Variants in PRH1 observed in about 807,000 individuals in gnomAD.
PRH1 encodes the protein salivary acidic proline-rich phosphoprotein 1/2.
A neutral mutation model predicts 7.9 loss-of-function variants in PRH1; 7 were observed. The observed-to-expected ratio is 0.89, with a 90% confidence interval of 0.50 to 1.67. The LOEUF is 1.67. PRH1 is among the 40% of genes most tolerant of loss of function. PRH1 has a pLI of 0.00. For synonymous variants in PRH1, 45 were observed against 80.8 expected (o/e 0.56, Z 2.38); for missense variants, 109 against 223.6 (o/e 0.49, Z 3.27).
At chr12:10,894,372 A>G (rs908372579) in intron 2 of PRH1, among the ~76,000 whole-genome samples, 4 of 152,186 alleles carry the variant, frequency 2.6e-5, no homozygotes, top group African/African-American at 9.6e-5. Flanking sequence ...ATATTAACAG[A>G]ATAGGGCTTA....
intron 1 of PRH1, among the ~76,000 whole-genome samples, chr12:11,017,996 T>A (rs1323967155): frequency 1.3e-5 from 2 of 152,178 alleles, no homozygotes; most frequent in Non-Finnish European, 1.5e-5. Flanking sequence ...GGTTACAGAA[T>A]GAATGCAAAG....
chr12:10,994,536 T>C (rs1222750940), intron 1 of PRH1, among the ~76,000 whole-genome samples: 1 of 152,144 alleles, frequency 6.6e-6, no homozygotes, highest in African/African-American at 2.4e-5. Context: ...TTACAGCACA[T>C]AGTGTCACAT....
At chr12:10,938,510 A>G in intron 2 of PRH1, 1 of 1,614,004 alleles carries the variant, frequency 6.2e-7, no homozygotes, top group Non-Finnish European at 8.5e-7. Flanking sequence ...GAAAGTGATC[A>G]CACTTTTAAC....
At chr12:11,129,486 T>C (rs1169979870) in intron 1 of PRH1, among the ~76,000 whole-genome samples, 2 of 152,410 alleles carry the variant, frequency 1.3e-5, no homozygotes, top group East Asian at 1.9e-4. Context: ...CTGGTCACTG[T>C]CATGACAAAA....
intron 1 of PRH1, among the ~76,000 whole-genome samples, chr12:11,108,061 C>G (rs1945479030): frequency 1.3e-5 from 2 of 152,194 alleles, no homozygotes; most frequent in Middle Eastern, 6.8e-3. Context: ...AACTTTCAGC[C>G]TAGAATAGTG....
chr12:11,083,876 TTTG>T (rs1944583373), intron 1 of PRH1, among the ~76,000 whole-genome samples: 5 of 150,206 alleles, frequency 3.3e-5, no homozygotes, highest in Middle Eastern at 3.4e-3. Context: ...GAAGTTCAAA[TTTG>T]TTCATTTTCC....
intron 1 of PRH1, among the ~76,000 whole-genome samples, chr12:11,086,890 G>A (rs1377988756): frequency 9.9e-6 from 1 of 101,068 alleles, no homozygotes; most frequent in African/African-American, 3.3e-5. Flanking sequence ...CTCCAGTGGG[G>A]AGACCGTGCA....
At chr12:11,107,663 A>T (rs74794610) in intron 1 of PRH1, among the ~76,000 whole-genome samples, 26 of 152,364 alleles carry the variant, frequency 1.7e-4, no homozygotes, top group Non-Finnish European at 3.5e-4. Context: ...AGCTGCACGA[A>T]TCAGGATTCT....
intron 2 of PRH1, among the ~76,000 whole-genome samples, chr12:10,902,568 G>A (rs554957236): frequency 6.1e-4 from 92 of 151,948 alleles, no homozygotes; most frequent in African/African-American, 1.1e-3. Context: ...GCATATAGTC[G>A]CCAGACTATC....
intron 1 of PRH1, among the ~76,000 whole-genome samples, chr12:11,163,205 A>C (rs1947469293): frequency 6.6e-6 from 1 of 152,184 alleles, no homozygotes. Context: ...AAAAGGAAAA[A>C]AAATTGGTTA....
intron 2 of PRH1, among the ~76,000 whole-genome samples, chr12:10,931,370 T>C (rs1412932534): frequency 2.0e-5 from 3 of 152,166 alleles, no homozygotes; most frequent in Non-Finnish European, 4.4e-5. Flanking sequence ...TTTCCTTTCC[T>C]CAAACTCAAA....
At chr12:11,005,319 T>C (rs1214749706) in intron 1 of PRH1, among the ~76,000 whole-genome samples, 2 of 152,178 alleles carry the variant, frequency 1.3e-5, no homozygotes, top group Non-Finnish European at 2.9e-5. Flanking sequence ...CCTTGTTTTG[T>C]AGTACTTTTC....
chr12:11,008,521 T>A (rs1940927611), intron 1 of PRH1, among the ~76,000 whole-genome samples: 1 of 132,302 alleles, frequency 7.6e-6, no homozygotes, highest in Admixed American at 7.8e-5. Flanking sequence ...ATATCCATTA[T>A]TTGTGATGAT....
At chr12:10,940,491 T>G (rs995113234) in intron 2 of PRH1, among the ~76,000 whole-genome samples, 1 of 152,224 alleles carries the variant, frequency 6.6e-6, no homozygotes, top group Admixed American at 6.5e-5. Flanking sequence ...GTCATTGTGT[T>G]TGAATGAGTT....
chr12:10,993,307 C>T (rs7311143), intron 1 of PRH1, among the ~76,000 whole-genome samples: 141,727 of 152,268 alleles, frequency 0.93, 66,565 homozygotes, highest in South Asian at 0.99. Flanking sequence ...GTCATGGCTA[C>T]GTCACTTCTG....
intron 1 of PRH1, among the ~76,000 whole-genome samples, chr12:11,004,164 G>A (rs538707921): frequency 1.3e-5 from 2 of 150,398 alleles, no homozygotes; most frequent in East Asian, 3.9e-4. Flanking sequence ...TCCAAAATTA[G>A]TAGAGTAATT....
chr12:10,979,544 A>G (rs1939256608), intron 1 of PRH1, among the ~76,000 whole-genome samples: 1 of 152,210 alleles, frequency 6.6e-6, no homozygotes, highest in African/African-American at 2.4e-5. Context: ...GGACTTCGTA[A>G]GGATTTTGGC....
intron 2 of PRH1, among the ~76,000 whole-genome samples, chr12:10,957,083 G>GAA (rs369633787): frequency 1.5e-3 from 213 of 139,196 alleles, no homozygotes; most frequent in Non-Finnish European, 1.7e-3. Flanking sequence ...CACTGGGAAT[G>GAA]AAAAAAAAAA....
intron 2 of PRH1, among the ~76,000 whole-genome samples, chr12:10,937,037 T>C (rs1950299917): frequency 6.6e-6 from 1 of 152,148 alleles, no homozygotes; most frequent in Non-Finnish European, 1.5e-5. Context: ...TACGGTTACA[T>C]TCCTTAGCCC....
Sources: gnomAD v4.1 joint callset for allele counts (sites outside exome capture counted in the v4.1 genomes callset) on GRCh38, gnomAD v4.1.1 for gene constraint, MANE v1.5 for transcripts, NCBI Gene and HGNC (gene_info 2026-07-23, HGNC 2026-07-21) for gene names.